Variants in RYR3 observed in about 807,000 individuals in gnomAD.
RYR3 encodes ryanodine receptor 3.
Under a neutral mutation model 584.3 loss-of-function variants are expected in RYR3, and 207 were observed. The observed-to-expected ratio is 0.35, with a 90% CI of 0.32 to 0.40. RYR3 has a LOEUF of 0.40. Ranked by LOEUF, RYR3 falls within the 10% of genes least tolerant of loss-of-function variation. RYR3 has a pLI of 1.00. For synonymous variants in RYR3, 2,416 were observed against 2,248.5 expected (o/e 1.07, Z -2.11); for missense variants, 5,616 against 6,089.2 (o/e 0.92, Z 2.59).
chr15:33,665,181 T>C (rs1390159), intron 36 of RYR3, among the ~76,000 whole-genome samples: 135,407 of 152,276 alleles, frequency 0.89, 60,904 homozygotes, highest in Non-Finnish European at 0.95. Flanking sequence ...TAACAGAAGA[T>C]ACAATGACAT....
At chr15:33,559,097 A>G (rs144694051) in intron 10 of RYR3, among the ~76,000 whole-genome samples, 1 of 152,178 alleles carries the variant, frequency 6.6e-6, no homozygotes, top group Non-Finnish European at 1.5e-5. Flanking sequence ...AGGGTAAAGG[A>G]GGAGGTTGGC....
chr15:33,718,700 A>AT (rs1164781508), intron 43 of RYR3, among the ~76,000 whole-genome samples: 2 of 152,188 alleles, frequency 1.3e-5, no homozygotes, highest in Non-Finnish European at 2.9e-5. Flanking sequence ...TTAAATAATT[A>AT]TTTCCCTGCT....
chr15:33,642,190 G>A (rs745462986), intron 27 of RYR3, among the ~76,000 whole-genome samples: 10 of 152,124 alleles, frequency 6.6e-5, no homozygotes, highest in Admixed American at 2.0e-4. Context: ...TCTGTGACTA[G>A]GACATTATTT....
chr15:33,715,632 C>A (rs2067439363), intron 43 of RYR3, among the ~76,000 whole-genome samples: 1 of 152,128 alleles, frequency 6.6e-6, no homozygotes, highest in Non-Finnish European at 1.5e-5. Flanking sequence ...ATTTATTTCT[C>A]ACAGCTCTGA....
At chr15:33,489,775 A>G (rs1041291654) in intron 2 of RYR3, among the ~76,000 whole-genome samples, 1 of 152,228 alleles carries the variant, frequency 6.6e-6, no homozygotes, top group South Asian at 2.1e-4. Context: ...AGACATCACC[A>G]TGCTGCTTTC....
chr15:33,527,332 G>C (rs1472216071), intron 3 of RYR3, among the ~76,000 whole-genome samples: 2 of 152,144 alleles, frequency 1.3e-5, no homozygotes, highest in East Asian at 1.9e-4. Flanking sequence ...TGTAATCCCA[G>C]CACTTTGGGA....
intron 69 of RYR3, among the ~76,000 whole-genome samples, chr15:33,802,282 G>A (rs1394769592): frequency 6.6e-6 from 1 of 152,224 alleles, no homozygotes; most frequent in Non-Finnish European, 1.5e-5. Flanking sequence ...TGTGTAGTGA[G>A]GATACAGCAA....
intron 1 of RYR3, among the ~76,000 whole-genome samples, chr15:33,407,815 G>T (rs1477038142): frequency 6.6e-6 from 1 of 152,108 alleles, no homozygotes; most frequent in Non-Finnish European, 1.5e-5. Flanking sequence ...ATGGACAGTG[G>T]ATTCCTGGCT....
At chr15:33,791,925 C>T (rs2075187022) in intron 67 of RYR3, among the ~76,000 whole-genome samples, 1 of 151,836 alleles carries the variant, frequency 6.6e-6, no homozygotes, top group Non-Finnish European at 1.5e-5. Flanking sequence ...AGGTAGTGGA[C>T]AGAGAAGTGA....
intron 84 of RYR3, among the ~76,000 whole-genome samples, 200 bp from the exon 85 acceptor site, chr15:33,826,999 G>A (rs1024328432): frequency 2.0e-5 from 3 of 152,202 alleles, no homozygotes; most frequent in African/African-American, 2.4e-5. Context: ...CTTGGGGCTC[G>A]TTAAGTCCAG....
chr15:33,444,694 G>T (rs1028344862), intron 1 of RYR3, among the ~76,000 whole-genome samples: 2 of 152,156 alleles, frequency 1.3e-5, no homozygotes, highest in African/African-American at 4.8e-5. Flanking sequence ...TGAGCGGTGG[G>T]TCAACCACCC....
chr15:33,748,727 C>T (rs997849377), intron 55 of RYR3, among the ~76,000 whole-genome samples, 197 bp downstream of exon 55: 2 of 152,132 alleles, frequency 1.3e-5, no homozygotes, highest in Admixed American at 6.5e-5. Context: ...GGAGGCTTTG[C>T]GCTTCTTCTA....
At chr15:33,493,497 A>G (rs1236667680) in intron 2 of RYR3, among the ~76,000 whole-genome samples, 1 of 152,148 alleles carries the variant, frequency 6.6e-6, no homozygotes, top group African/African-American at 2.4e-5. Context: ...TTTTATGACC[A>G]TATAAAGAGT....
intron 10 of RYR3, among the ~76,000 whole-genome samples, chr15:33,558,500 T>A (rs1157568251): frequency 6.6e-6 from 1 of 152,110 alleles, no homozygotes; most frequent in Non-Finnish European, 1.5e-5. Flanking sequence ...TCTATCATTG[T>A]TGGACATTTG....
chr15:33,698,592 T>A (rs2066032484), intron 40 of RYR3, among the ~76,000 whole-genome samples: 1 of 151,694 alleles, frequency 6.6e-6, no homozygotes, highest in Non-Finnish European at 1.5e-5. Context: ...GTAGATCGGG[T>A]ATGGCTTCAA....
intron 1 of RYR3, among the ~76,000 whole-genome samples, chr15:33,393,838 A>G (rs2042145392): frequency 6.6e-6 from 1 of 152,216 alleles, no homozygotes; most frequent in African/African-American, 2.4e-5. Context: ...CTTCAGGGAC[A>G]GAAAACAAGC....
intron 1 of RYR3, among the ~76,000 whole-genome samples, chr15:33,365,030 G>A (rs984534133): frequency 6.6e-6 from 1 of 152,212 alleles, no homozygotes; most frequent in African/African-American, 2.4e-5. Flanking sequence ...AGAGGGACAT[G>A]TAACTAAGAG....
chr15:33,523,222 A>C (rs2054135664), intron 3 of RYR3, among the ~76,000 whole-genome samples: 1 of 152,186 alleles, frequency 6.6e-6, no homozygotes, highest in South Asian at 2.1e-4. Context: ...GGCAGGGCCA[A>C]ATAAGGGAAT....
rs186259492 is a variant in RYR3, at chr15:33,864,565, G to T, written c.14517+376G>T. Among the ~76,000 whole-genome samples the T allele has an allele frequency of 7.9e-5, 12 of 151,332 alleles. No individual in the cohort carries two copies. The East Asian group carries it at 2.3e-3, about 29-fold the overall frequency. ...GCTAAGAAAGATAACGACCTCATGT[G>T]TGGGTGACACAGGAGCCTGGAGGTG... On this transcript the variant is annotated intron_variant, in intron 103 of 103. Transcript: ENST00000634891.
Sources: allele counts gnomAD v4.1 joint callset (sites outside exome capture counted in the v4.1 genomes callset), GRCh38; gene constraint gnomAD v4.1.1; transcripts MANE v1.5; gene names NCBI Gene and HGNC (gene_info 2026-07-23, HGNC 2026-07-21).